Variants in CENPW observed in about 807,000 individuals in gnomAD.
CENPW encodes centromere protein W, also known as cancer-up-regulated gene 2 protein.
CENPW carries 3 observed loss-of-function variants against 11.1 expected under a neutral mutation model. The ratio of observed to expected loss-of-function variants is 0.27; its 90% CI spans 0.12 to 0.70. CENPW has a LOEUF of 0.70. CENPW is among the 30% of genes least tolerant of loss of function. The pLI is 0.77. For missense variants in CENPW, 100 were observed against 105.6 expected, an observed-to-expected ratio of 0.95 and a Z score of 0.23; for synonymous variants, 38 against 42.0, an observed-to-expected ratio of 0.91 and a Z score of 0.37.
At chr6:126,421,748 A>G in the CENPW span, among the ~76,000 whole-genome samples, 3 of 152,120 alleles carry the variant, frequency 2.0e-5, no homozygotes, top group Non-Finnish European at 4.4e-5. Context: ...CAAAGATTGT[A>G]GCCGAATGAA....
the CENPW span, among the ~76,000 whole-genome samples, chr6:126,392,533 A>G: frequency 6.6e-6 from 1 of 151,944 alleles, no homozygotes; most frequent in Non-Finnish European, 1.5e-5. Flanking sequence ...GAATTTTATC[A>G]AACACTTTTT....
chr6:126,421,336 A>G, the CENPW span, among the ~76,000 whole-genome samples: 1 of 151,936 alleles, frequency 6.6e-6, no homozygotes. Flanking sequence ...ACGTTTCTTC[A>G]TGTCTACCTT....
the CENPW span, among the ~76,000 whole-genome samples, chr6:126,458,525 G>T: frequency 6.6e-6 from 1 of 151,124 alleles, no homozygotes; most frequent in Non-Finnish European, 1.5e-5. Context: ...TTTTCTACCA[G>T]CCTGTTACCA....
the CENPW span, among the ~76,000 whole-genome samples, chr6:126,360,806 C>G: frequency 6.6e-6 from 1 of 152,020 alleles, no homozygotes; most frequent in Non-Finnish European, 1.5e-5. Flanking sequence ...GTTATTTCAT[C>G]TTTCAGCTCT....
chr6:126,397,677 T>G, the CENPW span, among the ~76,000 whole-genome samples: 1 of 152,146 alleles, frequency 6.6e-6, no homozygotes, highest in Admixed American at 6.6e-5. Context: ...AGATTGTTCT[T>G]TACAAATACA....
chr6:126,408,776 T>G, the CENPW span, among the ~76,000 whole-genome samples: 1 of 152,196 alleles, frequency 6.6e-6, no homozygotes, highest in African/African-American at 2.4e-5. Flanking sequence ...TGGTTATTCA[T>G]AGCCATCTCT....
chr6:126,463,307 T>G, the CENPW span, among the ~76,000 whole-genome samples: 1 of 152,152 alleles, frequency 6.6e-6, no homozygotes, highest in African/African-American at 2.4e-5. Flanking sequence ...ATAAGTATCT[T>G]TTTATTGATG....
At chr6:126,345,167 A>C (rs1780384543) in intron 1 of CENPW, among the ~76,000 whole-genome samples, 2 of 151,948 alleles carry the variant, frequency 1.3e-5, no homozygotes, top group African/African-American at 4.8e-5. Flanking sequence ...ATGTTCTTGT[A>C]GATTAGGGCT....
chr6:126,434,583 T>C, the CENPW span, among the ~76,000 whole-genome samples: 1 of 152,044 alleles, frequency 6.6e-6, no homozygotes, highest in African/African-American at 2.4e-5. Flanking sequence ...GTATTCATTG[T>C]GTGTATGAAA....
the CENPW span, among the ~76,000 whole-genome samples, chr6:126,442,142 A>G: frequency 6.6e-6 from 1 of 151,410 alleles, no homozygotes; most frequent in South Asian, 2.1e-4. Flanking sequence ...GGTTATGGCC[A>G]CTCTTGCAGG....
chr6:126,421,721 T>C, the CENPW span, among the ~76,000 whole-genome samples: 1 of 152,076 alleles, frequency 6.6e-6, no homozygotes. Flanking sequence ...GTCTATTAAG[T>C]TGGCATCTCT....
chr6:126,473,748 C>T, the CENPW span, among the ~76,000 whole-genome samples: 1 of 147,330 alleles, frequency 6.8e-6, no homozygotes, highest in African/African-American at 2.5e-5. Flanking sequence ...CTCTCTCTCT[C>T]TAGCATATAT....
chr6:126,467,779 G>T, the CENPW span, among the ~76,000 whole-genome samples: 7 of 152,106 alleles, frequency 4.6e-5, no homozygotes, highest in Non-Finnish European at 1.0e-4. Flanking sequence ...AAAAAATACA[G>T]TATAAAAAGG....
the CENPW span, among the ~76,000 whole-genome samples, chr6:126,452,940 G>A: frequency 5.9e-4 from 89 of 151,066 alleles, no homozygotes; most frequent in Non-Finnish European, 1.1e-3. Context: ...GTAATTTCTC[G>A]TCAGACACAT....
the CENPW span, among the ~76,000 whole-genome samples, chr6:126,390,614 C>T: frequency 6.6e-6 from 1 of 151,808 alleles, no homozygotes; most frequent in African/African-American, 2.4e-5. Flanking sequence ...CCCTACAACT[C>T]CTACCCTTGC....
At chr6:126,407,882 G>T in the CENPW span, among the ~76,000 whole-genome samples, 1 of 152,148 alleles carries the variant, frequency 6.6e-6, no homozygotes, top group Non-Finnish European at 1.5e-5. Flanking sequence ...TCTGTAGGTT[G>T]TCTGTCCACT....
At chr6:126,481,545 CT>C in the CENPW span, among the ~76,000 whole-genome samples, 1 of 151,998 alleles carries the variant, frequency 6.6e-6, no homozygotes, top group Admixed American at 6.6e-5. Context: ...TGAACTTCAT[CT>C]TTTTATCAGC....
intron 2 of CENPW, 50 bp downstream of exon 2, chr6:126,346,368 C>T (rs746608952): frequency 8.9e-7 from 1 of 1,118,620 alleles, no homozygotes; most frequent in Non-Finnish European, 1.3e-6. Flanking sequence ...TCAAAAATAA[C>T]ACTCGGTTCA....
chr6:126,370,507 A>G, the CENPW span, among the ~76,000 whole-genome samples: 4 of 151,710 alleles, frequency 2.6e-5, no homozygotes, highest in Non-Finnish European at 5.9e-5. Flanking sequence ...TAAGTATTTT[A>G]TTTTTTACTT....
Sources: gnomAD v4.1 joint callset for allele counts (sites outside exome capture counted in the v4.1 genomes callset) on GRCh38, gnomAD v4.1.1 for gene constraint, MANE v1.5 for transcripts, NCBI Gene and HGNC (gene_info 2026-07-23, HGNC 2026-07-21) for gene names.